The following FAAH2 variants were observed in gnomAD, a reference collection of about 807,000 sequenced individuals.
The protein encoded by FAAH2 is fatty acid amide hydrolase 2.
In FAAH2, 60 loss-of-function variants were observed where a neutral mutation model predicts 36.9. That is an observed-to-expected ratio of 1.63 (90% CI 1.32 to 2.02). The LOEUF (loss-of-function observed/expected upper bound fraction) is 2.02, where lower values mean the gene tolerates loss of function less well. Among genes scored for constraint, FAAH2 ranks in the 30% most tolerant of loss-of-function variants. The pLI is 0.00. For synonymous variants in FAAH2, 214 were observed against 143.8 expected, an observed-to-expected ratio of 1.49 and a Z score of -3.49; for missense variants, 689 against 397.5, an observed-to-expected ratio of 1.73 and a Z score of -6.23.
intron 5 of FAAH2, among the ~76,000 whole-genome samples, chrX:57,360,856 G>T (rs2054271087): frequency 9.1e-6 from 1 of 110,340 alleles, no homozygotes; most frequent in Non-Finnish European, 1.9e-5. Context: ...GCCCCGGTGT[G>T]TGTTGTTCCC....
intron 7 of FAAH2, chrX:57,395,058 C>T: frequency 1.8e-6 from 1 of 554,892 alleles, no homozygotes; most frequent in East Asian, 3.3e-5. Flanking sequence ...ACATCCTTTT[C>T]AGGTGCAATA....
chrX:57,298,656 T>A (rs1184350542), intron 2 of FAAH2, among the ~76,000 whole-genome samples: 1 of 39,086 alleles, frequency 2.6e-5, no homozygotes, highest in African/African-American at 1.0e-4. Context: ...AAAAAATCAA[T>A]GAATCCAGGA....
chrX:57,349,987 G>T (rs1403809224), intron 5 of FAAH2, among the ~76,000 whole-genome samples: 3 of 110,422 alleles, frequency 2.7e-5, no homozygotes, highest in African/African-American at 9.9e-5. Flanking sequence ...TGTGAACAAT[G>T]ATTTTTAAAA....
the FAAH2 span, among the ~76,000 whole-genome samples, chrX:57,276,677 G>T: frequency 2.2e-4 from 24 of 111,251 alleles, no homozygotes; most frequent in Admixed American, 1.4e-3. Flanking sequence ...CAGACTGCTA[G>T]CAAGACTAAT....
At chrX:57,236,756 C>T in the FAAH2 span, among the ~76,000 whole-genome samples, 1 of 110,971 alleles carries the variant, frequency 9.0e-6, no homozygotes, top group African/African-American at 3.3e-5. Flanking sequence ...TGAATATTAG[C>T]CTATTATCAG....
chrX:57,212,028 G>T, the FAAH2 span, among the ~76,000 whole-genome samples: 7,994 of 111,509 alleles, frequency 0.072, 715 homozygotes, highest in African/African-American at 0.25. Flanking sequence ...ATGAAGCCCA[G>T]AGTGTGAGAC....
At chrX:57,386,936 A>G (rs2055039700) in intron 7 of FAAH2, among the ~76,000 whole-genome samples, 1 of 112,195 alleles carries the variant, frequency 8.9e-6, no homozygotes, top group Admixed American at 9.4e-5. Context: ...AAAGAGACAG[A>G]TTGAAATACA....
chrX:57,429,208 G>A (rs984039226), intron 7 of FAAH2, among the ~76,000 whole-genome samples: 2 of 109,107 alleles, frequency 1.8e-5, no homozygotes, highest in Non-Finnish European at 1.9e-5. Flanking sequence ...GCGTGGTGGC[G>A]GGTGCCTGTA....
rs936881196 is a variant in FAAH2 at position 57,286,773 on chromosome X, C to G, written c.-53C>G. ...TGCTTAGTACTTTTCTCGTCCTTTC[C>G]CCAGGGTGCACGTAACCCTCAAGCA... On this transcript the variant is annotated 5_prime_UTR_variant, in exon 1 of 11. Transcript: ENST00000374900. The G allele has an allele frequency of 9.6e-7, 1 of 1,039,198 alleles. No homozygotes were observed. The highest frequency in any genetic ancestry group is 1.9e-5 in the African/African-American group (1 of 51,293). The allele number at this position is 1,039,198 out of a possible 1,213,427, so 85.6% of individuals were successfully genotyped here.
the FAAH2 span, among the ~76,000 whole-genome samples, chrX:57,216,513 TATATAC>T: frequency 7.6e-5 from 4 of 52,377 alleles, no homozygotes; most frequent in African/African-American, 1.6e-4. Flanking sequence ...TATATATATA[TATATAC>T]GTATATGTAT....
intron 7 of FAAH2, among the ~76,000 whole-genome samples, chrX:57,431,238 A>C (rs1306238967): frequency 8.9e-6 from 1 of 111,906 alleles, no homozygotes; most frequent in East Asian, 2.8e-4. Flanking sequence ...ACTTGAGTCT[A>C]GTTATAGGTC....
intron 2 of FAAH2, among the ~76,000 whole-genome samples, chrX:57,295,275 A>G (rs2052102183): frequency 8.9e-6 from 1 of 112,221 alleles, no homozygotes; most frequent in African/African-American, 3.2e-5. Flanking sequence ...GGAATCAACT[A>G]CTGTTGCCTG....
intron 5 of FAAH2, among the ~76,000 whole-genome samples, chrX:57,350,576 G>A (rs916573225): frequency 9.0e-6 from 1 of 110,622 alleles, no homozygotes; most frequent in Non-Finnish European, 1.9e-5. Context: ...TGACAAAATG[G>A]TAAAAAACGA....
At chrX:57,202,012 T>G in the FAAH2 span, among the ~76,000 whole-genome samples, 1 of 112,038 alleles carries the variant, frequency 8.9e-6, no homozygotes, top group African/African-American at 3.2e-5. Flanking sequence ...CTTTGTTAAG[T>G]TTTTCTGATA....
chrX:57,382,864 A>G (rs1257405140), intron 7 of FAAH2, among the ~76,000 whole-genome samples: 1 of 111,571 alleles, frequency 9.0e-6, no homozygotes, highest in East Asian at 2.8e-4. Context: ...CCTGGCAGAG[A>G]CACAACCAAG....
intron 10 of FAAH2, among the ~76,000 whole-genome samples, chrX:57,481,301 T>A (rs928079579): frequency 9.0e-6 from 1 of 110,798 alleles, no homozygotes; most frequent in Non-Finnish European, 1.9e-5. Context: ...GGAGTTGCAA[T>A]CTTTTGGAGA....
At chrX:57,324,055 T>G (rs767119491) in intron 3 of FAAH2, among the ~76,000 whole-genome samples, 4 of 111,779 alleles carry the variant, frequency 3.6e-5, no homozygotes, top group Non-Finnish European at 5.7e-5. Flanking sequence ...AGCTTTCTGC[T>G]TATGGCTAGC....
At chrX:57,239,858 T>C in the FAAH2 span, among the ~76,000 whole-genome samples, 1 of 112,291 alleles carries the variant, frequency 8.9e-6, no homozygotes, top group Non-Finnish European at 1.9e-5. Context: ...AGAATTCTTG[T>C]AGTGAGTATT....
intron 1 of FAAH2, among the ~76,000 whole-genome samples, chrX:57,290,872 G>A (rs193222083): frequency 2.7e-5 from 3 of 111,561 alleles, no homozygotes; most frequent in East Asian, 5.6e-4. Context: ...TGCCATTTTA[G>A]TTTTGTTTAC....
Sources: gnomAD v4.1 joint callset for allele counts (sites outside exome capture counted in the v4.1 genomes callset) on GRCh38, gnomAD v4.1.1 for gene constraint, MANE v1.5 for transcripts, NCBI Gene and HGNC (gene_info 2026-07-23, HGNC 2026-07-21) for gene names.